The following OOSP1 variants were observed in gnomAD, a reference collection of about 807,000 sequenced individuals.
The protein encoded by OOSP1 is putative oocyte-secreted protein 1 homolog.
OOSP1 carries 11 observed loss-of-function variants against 5.7 expected under a neutral mutation model. That is an observed-to-expected ratio of 1.94 (90% CI 1.22 to 3.20). The LOEUF is 3.20. Among genes scored for constraint, OOSP1 ranks in the 30% most tolerant of loss-of-function variants. The probability of loss-of-function intolerance (pLI) is 0.00; values close to 1 mark genes in which losing one functional copy is unlikely to be tolerated. For synonymous variants in OOSP1, 44 were observed against 20.0 expected, an observed-to-expected ratio of 2.20 and a Z score of -3.20; for missense variants, 83 against 54.1, an observed-to-expected ratio of 1.53 and a Z score of -1.67.
At chr11:59,938,496 T>G in exon 1 of OOSP1, 1 of 632,154 alleles carries the variant, frequency 1.6e-6, no homozygotes, top group Non-Finnish European at 2.9e-6. Context: ...TTTATCTGCA[T>G]TCCTTGATAT....
rs888809810 is a variant in OOSP1 at position 59,956,187 on chromosome 11, C to G, written c.487-1008C>G. Reference sequence around the variant, plus strand: ...CTTCCCTTCCTCTCCTCTCTCCTTTCCTTCTTCTTCTTCTTTTTTTTTTTA... The same window carrying G: ...CTTCCCTTCCTCTCCTCTCTCCTTTGCTTCTTCTTCTTCTTTTTTTTTTTA... On this transcript the variant is annotated intron_variant, in intron 4 of 4. Coordinates refer to ENST00000646685, the Ensembl canonical transcript of OOSP1. 4.0e-5 allele frequency among the ~76,000 whole-genome samples: 6 copies of G among 151,724 alleles called. No individual in the cohort carries two copies. The East Asian group carries it at 1.2e-3, about 29-fold the overall frequency.
At chr11:59,942,250 A>G (rs891554448) in intron 1 of OOSP1, among the ~76,000 whole-genome samples, 5 of 152,234 alleles carry the variant, frequency 3.3e-5, no homozygotes, top group African/African-American at 1.2e-4. Flanking sequence ...TAATTCAAGC[A>G]GCAGATTGTA....
exon 1 of OOSP1, chr11:59,938,448 TG>T: frequency 1.8e-6 from 1 of 559,350 alleles, no homozygotes; most frequent in Non-Finnish European, 3.2e-6. Flanking sequence ...GTTTTCAATC[TG>T]GGCAAATGAA....
rs1315749690 is a variant in OOSP1, at chr11:59,945,255, T to A, written c.345T>A (p.Cys115Ter). ...TCCGATCTGAAATGCCTCTGTCGTG[T>A]GTCGTCCACAAGTGAGTATGGAATG... Residue 115 changes from cysteine (C) to a stop codon, truncating the protein, a stop_gained, in exon 3 of 5, where the codon TGT becomes TGA. Coordinates refer to ENST00000646685, the Ensembl canonical transcript of OOSP1. LOFTEE classifies it high-confidence loss of function. 5.7e-6 allele frequency: 4 copies of A among 702,916 alleles called. No individual in the cohort carries two copies. Among genetic ancestry groups the A allele is most frequent in the Non-Finnish European group, 1.0e-5 (4 of 384,982 alleles). 43.5% of individuals were successfully genotyped at this position (702,916 alleles called of 1,614,324 possible).
At chr11:59,940,138 T>G (rs995257935) in intron 1 of OOSP1, among the ~76,000 whole-genome samples, 1 of 152,366 alleles carries the variant, frequency 6.6e-6, no homozygotes, top group African/African-American at 2.4e-5. Flanking sequence ...AGACCTGACA[T>G]GGGTACATGT....
At chr11:59,956,898 G>T (rs1378484163) in intron 4 of OOSP1, among the ~76,000 whole-genome samples, 1 of 151,928 alleles carries the variant, frequency 6.6e-6, no homozygotes, top group East Asian at 1.9e-4. Context: ...TCCTTCTTAT[G>T]GCTGAGTAGT....
chr11:59,946,224 G>T (rs981555599), intron 3 of OOSP1, among the ~76,000 whole-genome samples: 1 of 152,178 alleles, frequency 6.6e-6, no homozygotes, highest in Non-Finnish European at 1.5e-5. Flanking sequence ...CGCATGTGAG[G>T]GATCTAGGTT....
chr11:59,946,977 A>T (rs939895078), intron 3 of OOSP1, among the ~76,000 whole-genome samples: 39 of 148,678 alleles, frequency 2.6e-4, no homozygotes, highest in Non-Finnish European at 1.3e-4. Flanking sequence ...CTGTCTATCT[A>T]CTCTGTACCC....
At chr11:59,942,616 CT>C (rs1158030846) in intron 1 of OOSP1, among the ~76,000 whole-genome samples, 3 of 152,010 alleles carry the variant, frequency 2.0e-5, no homozygotes, top group Non-Finnish European at 4.4e-5. Context: ...TTTTTCCCCC[CT>C]ATATATAGAT....
chr11:59,952,684 A>G (rs897409419), intron 4 of OOSP1, among the ~76,000 whole-genome samples: 2 of 152,140 alleles, frequency 1.3e-5, no homozygotes, highest in African/African-American at 4.8e-5. Context: ...CATGTTAGGT[A>G]CAATGTACAC....
intron 4 of OOSP1, among the ~76,000 whole-genome samples, chr11:59,949,831 T>A (rs1449687114): frequency 6.6e-6 from 1 of 152,102 alleles, no homozygotes; most frequent in Admixed American, 6.6e-5. Flanking sequence ...GGAGAAGGAT[T>A]AGGTAGTGAT....
intron 1 of OOSP1, 107 bp downstream of exon 1, chr11:59,938,637 A>G (rs1853795035): frequency 2.5e-6 from 1 of 405,860 alleles, no homozygotes; most frequent in East Asian, 3.6e-5. Flanking sequence ...ATAGCCAAGG[A>G]CACATGGAGG....
intron 4 of OOSP1, among the ~76,000 whole-genome samples, chr11:59,948,477 C>T (rs1853909588): frequency 1.3e-5 from 2 of 152,138 alleles, no homozygotes; most frequent in African/African-American, 4.8e-5. Flanking sequence ...CAAAAGTATC[C>T]TTATTCACTT....
At chr11:59,950,857 A>G (rs935530771) in intron 4 of OOSP1, among the ~76,000 whole-genome samples, 3 of 152,034 alleles carry the variant, frequency 2.0e-5, no homozygotes, top group Admixed American at 2.0e-4. Flanking sequence ...GACAGAAACT[A>G]GTGTATAAGA....
intron 1 of OOSP1, among the ~76,000 whole-genome samples, 194 bp from the exon 2 acceptor site, chr11:59,942,653 G>A (rs1853842108): frequency 6.6e-6 from 1 of 152,132 alleles, no homozygotes; most frequent in Admixed American, 6.5e-5. Context: ...TTTGAAGAAT[G>A]AGTATATGTG....
chr11:59,947,650 G>A, intron 3 of OOSP1, 83 bp from the exon 4 acceptor site: 1 of 395,720 alleles, frequency 2.5e-6, no homozygotes, highest in Non-Finnish European at 4.5e-6. Flanking sequence ...CAGGAATTTG[G>A]CCCCAAGTTC....
At chr11:59,950,726 G>A (rs569350027) in intron 4 of OOSP1, among the ~76,000 whole-genome samples, 2 of 152,158 alleles carry the variant, frequency 1.3e-5, no homozygotes, top group African/African-American at 4.8e-5. Flanking sequence ...AAAATTGGTT[G>A]AGTCAGCTTT....
At chr11:59,956,637 G>C (rs1225311204) in intron 4 of OOSP1, among the ~76,000 whole-genome samples, 7 of 152,078 alleles carry the variant, frequency 4.6e-5, no homozygotes, top group Admixed American at 2.0e-4. Context: ...TGATTCGTGA[G>C]ATTTTGGTGC....
At chr11:59,940,284 T>C (rs1333166194) in intron 1 of OOSP1, among the ~76,000 whole-genome samples, 2 of 152,262 alleles carry the variant, frequency 1.3e-5, no homozygotes, top group Admixed American at 1.3e-4. Flanking sequence ...ATTAAATCCA[T>C]AATTTGCTAC....
Sources: allele counts gnomAD v4.1 joint callset (sites outside exome capture counted in the v4.1 genomes callset), GRCh38; gene constraint gnomAD v4.1.1; transcripts MANE v1.5; gene names NCBI Gene and HGNC (gene_info 2026-07-23, HGNC 2026-07-21).